Variants in PVT1 observed in about 807,000 individuals in gnomAD.
PVT1 encodes Pvt1 oncogene.
intron 4 of PVT1, among the ~76,000 whole-genome samples, chr8:128,053,541 C>T (rs1813724976): frequency 1.3e-5 from 2 of 151,910 alleles, no homozygotes; most frequent in African/African-American, 2.4e-5. Flanking sequence ...TGTAGTCCTG[C>T]CTGATGTCCA....
intron 2 of PVT1, among the ~76,000 whole-genome samples, chr8:127,799,380 G>A (rs559801355): frequency 6.6e-6 from 1 of 152,250 alleles, no homozygotes; most frequent in African/African-American, 2.4e-5. Context: ...GCAGCAGAGT[G>A]AGACTCTGTC....
intron 2 of PVT1, among the ~76,000 whole-genome samples, chr8:127,797,645 TTAA>T (rs1233024519): frequency 6.6e-6 from 1 of 152,154 alleles, no homozygotes; most frequent in Non-Finnish European, 1.5e-5. Flanking sequence ...TAAATAACAA[TTAA>T]TAATAAGAAC....
chr8:128,039,448 A>T (rs1003422353), intron 4 of PVT1, among the ~76,000 whole-genome samples: 1 of 152,172 alleles, frequency 6.6e-6, no homozygotes, highest in Non-Finnish European at 1.5e-5. Flanking sequence ...TTAATGCCCT[A>T]AAGTCATGGC....
At chr8:128,015,120 C>T (rs1020255358) in intron 4 of PVT1, among the ~76,000 whole-genome samples, 2 of 151,584 alleles carry the variant, frequency 1.3e-5, no homozygotes, top group African/African-American at 4.9e-5. Context: ...GACAGGGTTT[C>T]ACTCTGTTGC....
chr8:127,895,330 G>A (rs1815662118), intron 3 of PVT1, among the ~76,000 whole-genome samples: 1 of 152,226 alleles, frequency 6.6e-6, no homozygotes, highest in South Asian at 2.1e-4. Flanking sequence ...AATTAGCTGG[G>A]TGTGGTGGCA....
intron 4 of PVT1, among the ~76,000 whole-genome samples, chr8:128,046,593 C>T (rs892089021): frequency 1.3e-5 from 2 of 152,216 alleles, no homozygotes; most frequent in African/African-American, 4.8e-5. Context: ...CTGGAGCCTA[C>T]ACAGCCCCCC....
chr8:127,890,437 C>T (rs1361786899), intron 2 of PVT1, among the ~76,000 whole-genome samples: 3 of 152,236 alleles, frequency 2.0e-5, no homozygotes, highest in Non-Finnish European at 2.9e-5. Context: ...TCCCTGGACA[C>T]CGGTCTCAAC....
intron 2 of PVT1, among the ~76,000 whole-genome samples, chr8:127,853,269 G>A (rs1027905983): frequency 2.0e-5 from 3 of 152,164 alleles, no homozygotes; most frequent in Non-Finnish European, 2.9e-5. Context: ...GAGGTGGAAC[G>A]TGAGCAGCAT....
intron 3 of PVT1, among the ~76,000 whole-genome samples, chr8:127,982,413 G>T (rs1435949857): frequency 6.6e-6 from 1 of 152,176 alleles, no homozygotes; most frequent in East Asian, 1.9e-4. Context: ...CAACAGCTGT[G>T]TGCCGGGGAC....
At chr8:127,884,746 T>C (rs1190225033) in intron 2 of PVT1, among the ~76,000 whole-genome samples, 1 of 152,220 alleles carries the variant, frequency 6.6e-6, no homozygotes, top group African/African-American at 2.4e-5. Context: ...GAAAGCATTA[T>C]GATTTCATGA....
chr8:128,092,047 C>T (rs919498676), intron 5 of PVT1, among the ~76,000 whole-genome samples: 3 of 152,164 alleles, frequency 2.0e-5, no homozygotes, highest in Non-Finnish European at 4.4e-5. Context: ...GGGCCGTGTG[C>T]AAGCTTTGGG....
chr8:127,924,045 C>T (rs1035485090), intron 3 of PVT1, among the ~76,000 whole-genome samples: 32 of 152,172 alleles, frequency 2.1e-4, no homozygotes, highest in African/African-American at 7.2e-4. Flanking sequence ...GTGTTGGAGG[C>T]CGGGGGTCAG....
chr8:127,985,451 T>A (rs983180971), intron 3 of PVT1, among the ~76,000 whole-genome samples: 97 of 150,790 alleles, frequency 6.4e-4, no homozygotes, highest in Non-Finnish European at 1.2e-3. Flanking sequence ...TTTTTTTTTT[T>A]AATCCTCGAT....
chr8:128,054,002 CA>C (rs1813734684), intron 4 of PVT1, among the ~76,000 whole-genome samples: 1 of 152,156 alleles, frequency 6.6e-6, no homozygotes, highest in Non-Finnish European at 1.5e-5. Context: ...TTAGTGGGGA[CA>C]AAAAAGCAAA....
At chr8:127,800,849 A>G (rs906785784) in intron 2 of PVT1, among the ~76,000 whole-genome samples, 12 of 152,216 alleles carry the variant, frequency 7.9e-5, no homozygotes, top group Non-Finnish European at 1.5e-5. Flanking sequence ...ATAAAGAAGG[A>G]CATGAATTGT....
chr8:127,838,075 T>C (rs1814929273), intron 2 of PVT1, among the ~76,000 whole-genome samples: 1 of 151,878 alleles, frequency 6.6e-6, no homozygotes, highest in African/African-American at 2.4e-5. Context: ...TTTTGTATTT[T>C]TAGTAGGGAT....
chr8:127,984,842 TTTCTTTC>T (rs769334976), intron 3 of PVT1, among the ~76,000 whole-genome samples: 1,970 of 53,790 alleles, frequency 0.037, 366 homozygotes, highest in Admixed American at 0.05. Context: ...TTTTCTTTTC[TTTCTTTC>T]TTTCTTTCTT....
At chr8:128,000,566 GCAGGCC>G (rs1168363354) in intron 4 of PVT1, among the ~76,000 whole-genome samples, 1 of 152,240 alleles carries the variant, frequency 6.6e-6, no homozygotes, top group Non-Finnish European at 1.5e-5. Flanking sequence ...CTGAAAGTCT[GCAGGCC>G]CAGAATGGCC....
intron 4 of PVT1, among the ~76,000 whole-genome samples, chr8:128,039,408 A>G (rs1813505602): frequency 6.6e-6 from 1 of 152,220 alleles, no homozygotes; most frequent in African/African-American, 2.4e-5. Flanking sequence ...AACACCTTTC[A>G]GTGTTCCCTC....
Sources: allele counts gnomAD v4.1 joint callset (sites outside exome capture counted in the v4.1 genomes callset), GRCh38; gene constraint gnomAD v4.1.1; transcripts MANE v1.5; gene names NCBI Gene and HGNC (gene_info 2026-07-23, HGNC 2026-07-21).